The following TNNI3K variants were observed in gnomAD, a reference collection of about 807,000 sequenced individuals.
TNNI3K encodes serine/threonine-protein kinase TNNI3K.
In TNNI3K, 140 loss-of-function variants were observed where a neutral mutation model predicts 114.5. That is an observed-to-expected ratio of 1.22 (90% CI 1.07 to 1.41). The LOEUF (loss-of-function observed/expected upper bound fraction) is 1.41, where lower values mean the gene tolerates loss of function less well. Ranked by LOEUF, TNNI3K falls within the 40% of genes most tolerant of loss-of-function variation. The pLI is 0.00. For missense variants in TNNI3K, 1,125 were observed against 1,007.6 expected (o/e 1.12, Z -1.58); for synonymous variants, 347 against 347.5 (o/e 1.00, Z 0.02).
At position 74,249,549 on chromosome 1, in the gene TNNI3K, G is replaced by A. The variant is rs750425525; in HGVS notation, c.235+5G>A. The A allele has an allele frequency of 5.6e-6, 9 of 1,612,944 alleles. No individual in the cohort carries two copies. The Admixed American group carries it at 1.2e-4, about 21-fold the overall frequency. The stretch of plus-strand genomic sequence containing the variant: ...ATTTATGTTGCATTTGTGGAGGTGA[G>A]TACTTGAAACTTAGTACTTCTTAAA... On this transcript the variant is annotated splice_donor_5th_base_variant and intron_variant, in intron 3 of 24. Transcript: ENST00000326637.
At chr1:74,542,515 A>G (rs1646738724) in intron 24 of TNNI3K, among the ~76,000 whole-genome samples, 1 of 152,146 alleles carries the variant, frequency 6.6e-6, no homozygotes, top group African/African-American at 2.4e-5. Context: ...CCTTCCTCAC[A>G]TCTGACCAGA....
intron 23 of TNNI3K, among the ~76,000 whole-genome samples, chr1:74,507,014 G>T (rs1199237494): frequency 1.3e-5 from 2 of 151,892 alleles, no homozygotes; most frequent in African/African-American, 2.4e-5. Flanking sequence ...AATTGACAAG[G>T]TTCATTAAAC....
intron 21 of TNNI3K, chr1:74,464,654 A>G (rs765456856): frequency 6.3e-7 from 1 of 1,593,800 alleles, no homozygotes; most frequent in Admixed American, 1.7e-5. Context: ...AGACCAAGTC[A>G]TTACCCAGTC....
intron 23 of TNNI3K, among the ~76,000 whole-genome samples, chr1:74,521,565 T>G (rs1281061049): frequency 1.3e-5 from 2 of 152,096 alleles, no homozygotes; most frequent in African/African-American, 4.8e-5. Flanking sequence ...CAAAATTAAA[T>G]GCTACTATTT....
chr1:74,358,315 G>T (rs1243922601), intron 11 of TNNI3K, among the ~76,000 whole-genome samples: 1 of 152,104 alleles, frequency 6.6e-6, no homozygotes, highest in Non-Finnish European at 1.5e-5. Flanking sequence ...TGGAGGTGGA[G>T]AATTAGTGAA....
intron 23 of TNNI3K, among the ~76,000 whole-genome samples, chr1:74,494,581 T>C (rs1234436755): frequency 1.3e-5 from 2 of 152,222 alleles, no homozygotes; most frequent in African/African-American, 4.8e-5. Context: ...TACTTGTGTC[T>C]TTTAAAGCTA....
At chr1:74,461,482 G>GAA (rs745581474) in intron 20 of TNNI3K, among the ~76,000 whole-genome samples, 952 of 74,052 alleles carry the variant, frequency 0.013, 20 homozygotes, top group African/African-American at 0.043. Flanking sequence ...TCTGTCTCGA[G>GAA]AAAAAAAAAA....
intron 5 of TNNI3K, among the ~76,000 whole-genome samples, chr1:74,325,395 G>A (rs1014309507): frequency 2.0e-5 from 3 of 152,134 alleles, no homozygotes; most frequent in Admixed American, 6.6e-5. Flanking sequence ...TAGGGAGAGG[G>A]TCACCAGGAG....
At position 74,451,696 on chromosome 1, in the gene TNNI3K, T is replaced by C. The variant is rs1264799044; in HGVS notation, c.2012-11745T>C. On this transcript the variant is annotated intron_variant, in intron 20 of 24. Coordinates refer to ENST00000326637, the MANE Select transcript of TNNI3K (RefSeq NM_015978.3). ...TCTTTTCTTTTCTTTTCTTTCTTTCTTTCTTTCTTTCTTTCTTTCTTTCTT... is the reference window on the plus strand; with the variant it reads ...TCTTTTCTTTTCTTTTCTTTCTTTCCTTCTTTCTTTCTTTCTTTCTTTCTT... Among the ~76,000 whole-genome samples the C allele has an allele frequency of 8.1e-5, 6 of 73,956 alleles. No homozygotes were observed. In the East Asian group the frequency reaches 2.1e-3, roughly 26 times the overall value. 48.5% of individuals were successfully genotyped at this position (73,956 alleles called of 152,430 possible).
intron 17 of TNNI3K, among the ~76,000 whole-genome samples, chr1:74,435,627 A>G (rs943208785): frequency 6.6e-6 from 1 of 152,082 alleles, no homozygotes; most frequent in African/African-American, 2.4e-5. Flanking sequence ...GGCATTTTCC[A>G]TAGAGAATCC....
At chr1:74,322,834 T>A (rs185148620) in intron 5 of TNNI3K, among the ~76,000 whole-genome samples, 45 of 152,196 alleles carry the variant, frequency 3.0e-4, no homozygotes, top group African/African-American at 1.1e-3. Context: ...TATTCTTATC[T>A]CTTAAAAACA....
intron 5 of TNNI3K, among the ~76,000 whole-genome samples, chr1:74,319,040 G>A (rs1322145945): frequency 6.6e-6 from 1 of 152,190 alleles, no homozygotes; most frequent in East Asian, 1.9e-4. Context: ...TTATACTGCA[G>A]TTTCTATAGG....
At chr1:74,518,308 A>T (rs2100403158) in intron 23 of TNNI3K, among the ~76,000 whole-genome samples, 1 of 152,290 alleles carries the variant, frequency 6.6e-6, no homozygotes, top group Non-Finnish European at 1.5e-5. Context: ...TTCTTCTTTT[A>T]TATTTATTTT....
chr1:74,391,957 A>ATTATTATTTTTTTTT (rs1369570973), intron 17 of TNNI3K, among the ~76,000 whole-genome samples: 4 of 93,042 alleles, frequency 4.3e-5, no homozygotes, highest in African/African-American at 7.8e-5. Context: ...ACAGCTTATT[A>ATTATTATTTTTTTTT]TTTTTTTTTT....
intron 5 of TNNI3K, among the ~76,000 whole-genome samples, chr1:74,309,723 A>G (rs1375133689): frequency 6.6e-6 from 1 of 152,182 alleles, no homozygotes; most frequent in Non-Finnish European, 1.5e-5. Context: ...TATCATCTCA[A>G]TAGACACAGA....
At chr1:74,331,415 C>A in intron 5 of TNNI3K, 35 bp from the exon 6 acceptor site, 1 of 1,599,564 alleles carries the variant, frequency 6.3e-7, no homozygotes. Context: ...GATAACTCAA[C>A]TGAAGTTCTT....
At chr1:74,449,662 C>T (rs1666897287) in intron 20 of TNNI3K, among the ~76,000 whole-genome samples, 1 of 151,394 alleles carries the variant, frequency 6.6e-6, no homozygotes, top group African/African-American at 2.4e-5. Context: ...CAAAGAAGGC[C>T]ATTACATAAT....
At chr1:74,480,513 G>A (rs773049207) in intron 21 of TNNI3K, 1 of 717,528 alleles carries the variant, frequency 1.4e-6, no homozygotes, top group South Asian at 1.5e-5. Flanking sequence ...TCCTGTAGTT[G>A]AGGCAGGGGC....
intron 17 of TNNI3K, among the ~76,000 whole-genome samples, chr1:74,430,938 A>G (rs1665868678): frequency 6.6e-6 from 1 of 152,152 alleles, no homozygotes; most frequent in Non-Finnish European, 1.5e-5. Flanking sequence ...GTCTGTCTCT[A>G]TTGTGAGTTT....
Sources: gnomAD v4.1 joint callset for allele counts (sites outside exome capture counted in the v4.1 genomes callset) on GRCh38, gnomAD v4.1.1 for gene constraint, MANE v1.5 for transcripts, NCBI Gene and HGNC (gene_info 2026-07-23, HGNC 2026-07-21) for gene names.